PCDH15: variants seen among roughly 807,000 people sequenced by gnomAD.
PCDH15 encodes protocadherin related 15.
PCDH15 carries 129 observed loss-of-function variants against 178.5 expected under a neutral mutation model. The observed-to-expected ratio is 0.72, with a 90% confidence interval of 0.63 to 0.84. The LOEUF (loss-of-function observed/expected upper bound fraction) is 0.84, where lower values mean the gene tolerates loss of function less well. Ranked by LOEUF, PCDH15 falls within the 40% of genes least tolerant of loss-of-function variation. The probability of loss-of-function intolerance (pLI) is 0.00; values close to 1 mark genes in which losing one functional copy is unlikely to be tolerated. For missense variants in PCDH15, 2,230 were observed against 2,099.9 expected (o/e 1.06, Z -1.21); for synonymous variants, 800 against 732.0 (o/e 1.09, Z -1.50).
chr10:53,844,046 C>A (rs2077821376), intron 28 of PCDH15, among the ~76,000 whole-genome samples: 1 of 151,570 alleles, frequency 6.6e-6, no homozygotes, highest in Non-Finnish European at 1.5e-5. Flanking sequence ...CTTTAGGGAA[C>A]AATGTGTGCT....
At chr10:54,717,094 T>C (rs2095489937) in intron 1 of PCDH15, among the ~76,000 whole-genome samples, 1 of 145,182 alleles carries the variant, frequency 6.9e-6, no homozygotes, top group Non-Finnish European at 1.5e-5. Context: ...CCTTACACCT[T>C]ATACAAAAAT....
intron 26 of PCDH15, among the ~76,000 whole-genome samples, chr10:53,882,039 G>C (rs892953207): frequency 1.3e-4 from 19 of 146,240 alleles, no homozygotes; most frequent in African/African-American, 4.4e-4. Flanking sequence ...GCCCAGGCTA[G>C]AGTGCAATGG....
At chr10:54,103,015 G>C (rs893338130) in intron 15 of PCDH15, among the ~76,000 whole-genome samples, 9 of 152,274 alleles carry the variant, frequency 5.9e-5, no homozygotes, top group African/African-American at 1.9e-4. Flanking sequence ...CCTCCTTGGA[G>C]AAGGATGGAA....
intron 3 of PCDH15, among the ~76,000 whole-genome samples, chr10:54,872,703 T>C (rs1954060729): frequency 6.6e-6 from 1 of 152,076 alleles, no homozygotes; most frequent in Admixed American, 6.6e-5. Context: ...ATGCTCGATA[T>C]ACTTAGATTA....
At chr10:54,952,828 T>G (rs1056954616) in intron 2 of PCDH15, among the ~76,000 whole-genome samples, 1 of 151,618 alleles carries the variant, frequency 6.6e-6, no homozygotes, top group African/African-American at 2.4e-5. Flanking sequence ...CCTACCAACT[T>G]TTTAAAATTA....
chr10:54,971,433 A>G (rs1193113769), intron 2 of PCDH15, among the ~76,000 whole-genome samples: 1 of 152,176 alleles, frequency 6.6e-6, no homozygotes, highest in African/African-American at 2.4e-5. Context: ...TTACTGGACA[A>G]CAAGCCTGCT....
intron 20 of PCDH15, among the ~76,000 whole-genome samples, chr10:54,009,907 C>T (rs1028437978): frequency 1.3e-5 from 2 of 152,166 alleles, no homozygotes; most frequent in Non-Finnish European, 2.9e-5. Flanking sequence ...AGACTTGTAT[C>T]CCCAGACACT....
chr10:54,843,564 C>A (rs574458053), intron 3 of PCDH15, among the ~76,000 whole-genome samples: 1 of 151,952 alleles, frequency 6.6e-6, no homozygotes, highest in Non-Finnish European at 1.5e-5. Context: ...TGCTTGTCGA[C>A]TTTATATTCT....
chr10:53,874,413 T>C (rs1392986681), intron 26 of PCDH15, among the ~76,000 whole-genome samples: 1 of 152,144 alleles, frequency 6.6e-6, no homozygotes, highest in Non-Finnish European at 1.5e-5. Flanking sequence ...TAGGACGAAA[T>C]ACAGCCCCTC....
chr10:54,046,066 A>G (rs1451313357), intron 18 of PCDH15, among the ~76,000 whole-genome samples: 1 of 152,204 alleles, frequency 6.6e-6, no homozygotes, highest in Non-Finnish European at 1.5e-5. Context: ...GACGAAATTC[A>G]AAATAGTAAG....
intron 2 of PCDH15, among the ~76,000 whole-genome samples, chr10:54,991,389 T>A (rs1346407102): frequency 2.0e-5 from 3 of 152,020 alleles, no homozygotes. Context: ...TAGAGGTAAT[T>A]GAAAAAAGAG....
intron 1 of PCDH15, among the ~76,000 whole-genome samples, chr10:55,275,705 CTTT>C (rs200162578): frequency 7.2e-6 from 1 of 139,728 alleles, no homozygotes; most frequent in Admixed American, 7.2e-5. Flanking sequence ...ACTTGTCTCT[CTTT>C]TTTTTTTTTT....
At chr10:54,790,587 C>T (rs919610229) in intron 1 of PCDH15, among the ~76,000 whole-genome samples, 8 of 151,792 alleles carry the variant, frequency 5.3e-5, no homozygotes, top group South Asian at 2.1e-4. Flanking sequence ...ATCCTCTGAG[C>T]GAGCTTGGAA....
intron 3 of PCDH15, among the ~76,000 whole-genome samples, chr10:54,866,148 T>C (rs1953937828): frequency 6.6e-6 from 1 of 152,230 alleles, no homozygotes; most frequent in South Asian, 2.1e-4. Context: ...GTACTGATGA[T>C]GTTCCAGGAA....
intron 1 of PCDH15, among the ~76,000 whole-genome samples, chr10:55,206,104 A>G (rs1244648272): frequency 6.6e-6 from 1 of 152,006 alleles, no homozygotes; most frequent in African/African-American, 2.4e-5. Context: ...GTGGGGACAC[A>G]GGGCCAAACC....
chr10:54,379,803 T>C (rs1457467681), intron 3 of PCDH15, among the ~76,000 whole-genome samples: 1 of 152,074 alleles, frequency 6.6e-6, no homozygotes, highest in Non-Finnish European at 1.5e-5. Flanking sequence ...CCGATCCATT[T>C]TATTAAACTT....
At chr10:55,607,303 C>A (rs1389541298) in intron 2 of PCDH15, among the ~76,000 whole-genome samples, 5 of 151,202 alleles carry the variant, frequency 3.3e-5, no homozygotes, top group Admixed American at 6.6e-5. Flanking sequence ...GTTGGTGGGA[C>A]TGTAAACTAG....
At chr10:54,295,821 T>C (rs988630620) in intron 8 of PCDH15, among the ~76,000 whole-genome samples, 1 of 152,024 alleles carries the variant, frequency 6.6e-6, no homozygotes, top group Non-Finnish European at 1.5e-5. Flanking sequence ...GAATTCAGGA[T>C]CTAATTATCG....
At chr10:53,859,775 C>T (rs934995330) in intron 27 of PCDH15, among the ~76,000 whole-genome samples, 30 of 151,998 alleles carry the variant, frequency 2.0e-4, no homozygotes, top group Non-Finnish European at 1.3e-4. Context: ...TACCAGAAAT[C>T]GGTCACACTT....
Sources: gnomAD v4.1 joint callset for allele counts (sites outside exome capture counted in the v4.1 genomes callset) on GRCh38, gnomAD v4.1.1 for gene constraint, MANE v1.5 for transcripts, NCBI Gene and HGNC (gene_info 2026-07-23, HGNC 2026-07-21) for gene names.